The following CYFIP1 variants were observed in gnomAD, a reference collection of about 807,000 sequenced individuals.
CYFIP1 encodes the protein cytoplasmic FMR1-interacting protein 1.
A neutral mutation model predicts 163.5 loss-of-function variants in CYFIP1; 58 were observed. The ratio of observed to expected loss-of-function variants is 0.35; its 90% CI spans 0.29 to 0.44. CYFIP1 has a LOEUF of 0.44. CYFIP1 is among the 20% of genes least tolerant of loss of function. The pLI is 1.00. For missense variants in CYFIP1, 1,338 were observed against 1,653.8 expected (o/e 0.81, Z 3.31); for synonymous variants, 663 against 660.7 (o/e 1.00, Z -0.05).
chr15:22,890,404 C>T (rs1028286928), intron 23 of CYFIP1, among the ~76,000 whole-genome samples: 14 of 152,216 alleles, frequency 9.2e-5, no homozygotes, highest in Admixed American at 7.2e-4. Context: ...TTCTTAACCA[C>T]TCACAGGGCT....
At chr15:22,877,155 G>A (rs2059609964) in intron 26 of CYFIP1, among the ~76,000 whole-genome samples, 1 of 152,206 alleles carries the variant, frequency 6.6e-6, no homozygotes, top group Non-Finnish European at 1.5e-5. Flanking sequence ...TTCTTACAGG[G>A]CTGGGTCAGT....
At chr15:22,968,969 T>A (rs966180735) in intron 1 of CYFIP1, among the ~76,000 whole-genome samples, 1 of 152,110 alleles carries the variant, frequency 6.6e-6, no homozygotes, top group Admixed American at 6.6e-5. Flanking sequence ...AGCAAGCACA[T>A]CTCCTTCTGT....
At chr15:22,874,321 T>C (rs1195895707) in intron 28 of CYFIP1, among the ~76,000 whole-genome samples, 5 of 152,230 alleles carry the variant, frequency 3.3e-5, no homozygotes, top group African/African-American at 1.2e-4. Flanking sequence ...TGTGTAAGCC[T>C]TACGTGCCAG....
At chr15:22,921,387 A>C (rs926832449) in intron 13 of CYFIP1, among the ~76,000 whole-genome samples, 2 of 150,228 alleles carry the variant, frequency 1.3e-5, no homozygotes, top group Non-Finnish European at 2.9e-5. Flanking sequence ...TAAATAAATA[A>C]ATAAATAAAT....
chr15:22,890,752 C>T (rs1488988507), intron 23 of CYFIP1, among the ~76,000 whole-genome samples: 10 of 64,622 alleles, frequency 1.5e-4, no homozygotes, highest in African/African-American at 3.2e-4. Context: ...CTCGAGAACA[C>T]GAACAGAGAC....
intron 1 of CYFIP1, among the ~76,000 whole-genome samples, chr15:22,957,979 C>T (rs958495199): frequency 3.3e-5 from 5 of 152,190 alleles, no homozygotes; most frequent in African/African-American, 9.7e-5. Context: ...CCAGGTTAAA[C>T]GGCCTGACCG....
At chr15:22,891,846 T>A (rs1595529452) in intron 23 of CYFIP1, among the ~76,000 whole-genome samples, 1 of 152,232 alleles carries the variant, frequency 6.6e-6, no homozygotes, top group Non-Finnish European at 1.5e-5. Context: ...AAACATTGTT[T>A]CCGCCACTCA....
At chr15:22,965,052 G>C (rs1344374784) in intron 1 of CYFIP1, among the ~76,000 whole-genome samples, 1 of 151,960 alleles carries the variant, frequency 6.6e-6, no homozygotes, top group Non-Finnish European at 1.5e-5. Flanking sequence ...GTGTGTGTGT[G>C]TGTGTGTGTG....
chr15:22,938,430 T>G (rs1029272070), intron 8 of CYFIP1, among the ~76,000 whole-genome samples: 1 of 151,502 alleles, frequency 6.6e-6, no homozygotes, highest in East Asian at 2.0e-4. Context: ...CAAAGTGAGA[T>G]CTCATATCTA....
chr15:22,965,761 G>A (rs970785071), intron 1 of CYFIP1, among the ~76,000 whole-genome samples: 2 of 152,122 alleles, frequency 1.3e-5, no homozygotes, highest in African/African-American at 4.8e-5. Flanking sequence ...GACACACCAG[G>A]CCCCAGCCCC....
intron 13 of CYFIP1, among the ~76,000 whole-genome samples, chr15:22,919,957 G>C (rs2061117691): frequency 6.6e-6 from 1 of 151,906 alleles, no homozygotes; most frequent in Non-Finnish European, 1.5e-5. Flanking sequence ...AGGAGTTCGA[G>C]GCTGCAGTGA....
intron 23 of CYFIP1, among the ~76,000 whole-genome samples, chr15:22,891,241 A>G (rs530802591): frequency 6.6e-6 from 1 of 152,232 alleles, no homozygotes; most frequent in African/African-American, 2.4e-5. Context: ...CCTGGCCAAC[A>G]TGGTGAAACC....
At chr15:22,956,314 T>TC (rs1259192810) in intron 1 of CYFIP1, among the ~76,000 whole-genome samples, 1 of 151,966 alleles carries the variant, frequency 6.6e-6, no homozygotes, top group Non-Finnish European at 1.5e-5. Flanking sequence ...GGCAGCTCAG[T>TC]CAGTAGGTCA....
intron 30 of CYFIP1, among the ~76,000 whole-genome samples, chr15:22,870,419 C>G (rs1566905761): frequency 6.6e-6 from 1 of 151,994 alleles, no homozygotes; most frequent in Admixed American, 6.6e-5. Flanking sequence ...AGACATCCTC[C>G]CACCTCAGCC....
intron 22 of CYFIP1, among the ~76,000 whole-genome samples, chr15:22,897,088 C>G (rs570142906): frequency 6.6e-6 from 1 of 152,046 alleles, no homozygotes; most frequent in Non-Finnish European, 1.5e-5. Flanking sequence ...TGGCACATGC[C>G]TGTAATCTCA....
At chr15:22,908,307 C>T (rs545108711) in intron 21 of CYFIP1, among the ~76,000 whole-genome samples, 7 of 152,024 alleles carry the variant, frequency 4.6e-5, no homozygotes, top group Non-Finnish European at 7.4e-5. Context: ...GTGAGACAGC[C>T]GAAAAATGGG....
In CYFIP1 at chr15:22,965,142, A is replaced by C. The variant is rs1168084246; in HGVS notation, c.-7+15145T>G. Among the ~76,000 whole-genome samples, 9 of 152,160 alleles carry C rather than the reference A, an allele frequency of 5.9e-5. No individual in the cohort carries two copies. In the East Asian group the frequency reaches 1.5e-3, roughly 26 times the overall value. ...GCTAGATTTTACGTAAAAATACTCT[A>C]AACTTAAAATTACTTAAAAACATCC... On this transcript the variant is annotated intron_variant, in intron 1 of 30. Transcript: ENST00000617928.
At chr15:22,941,068 T>TA (rs1555416649) in intron 6 of CYFIP1, among the ~76,000 whole-genome samples, 1 of 152,098 alleles carries the variant, frequency 6.6e-6, no homozygotes, top group Non-Finnish European at 1.5e-5. Flanking sequence ...CCTTTTTTTT[T>TA]AAATAGACAC....
At chr15:22,941,968 G>A (rs1017649702) in intron 6 of CYFIP1, among the ~76,000 whole-genome samples, 5 of 152,142 alleles carry the variant, frequency 3.3e-5, no homozygotes, top group South Asian at 4.1e-4. Context: ...AGCCCACTCC[G>A]ACCAGTGAGT....
Sources: allele counts gnomAD v4.1 joint callset (sites outside exome capture counted in the v4.1 genomes callset), GRCh38; gene constraint gnomAD v4.1.1; transcripts MANE v1.5; gene names NCBI Gene and HGNC (gene_info 2026-07-23, HGNC 2026-07-21).